The following ADARB2 variants were observed in gnomAD, a reference collection of about 807,000 sequenced individuals.
ADARB2 encodes the protein adenosine deaminase RNA specific B2 (inactive), also known as inactive double-stranded RNA-specific editase B2.
ADARB2 carries 25 observed loss-of-function variants against 62.2 expected under a neutral mutation model. The ratio of observed to expected loss-of-function variants is 0.40; its 90% CI spans 0.29 to 0.56. The LOEUF is 0.56. Among genes scored for constraint, ADARB2 ranks in the 20% least tolerant of loss-of-function variants. The probability of loss-of-function intolerance (pLI) is 0.43; values close to 1 mark genes in which losing one functional copy is unlikely to be tolerated. For missense variants in ADARB2, 1,071 were observed against 1,077.4 expected (o/e 0.99, Z 0.08); for synonymous variants, 572 against 500.8 (o/e 1.14, Z -1.90).
intron 1 of ADARB2, chr10:1,675,377 T>G (rs1156239570): frequency 1.0e-6 from 1 of 983,966 alleles, no homozygotes; most frequent in Non-Finnish European, 1.2e-6. Flanking sequence ...AGGTTTGGGT[T>G]CAGGGATGCA....
At chr10:1,515,465 C>T (rs1831996851) in intron 1 of ADARB2, among the ~76,000 whole-genome samples, 3 of 152,236 alleles carry the variant, frequency 2.0e-5, no homozygotes, top group African/African-American at 7.2e-5. Context: ...ATGAGGGGGA[C>T]ATTCACACTG....
In ADARB2 at chr10:1,602,415, T is replaced by C. The variant is rs12761395; in HGVS notation, c.100+134636A>G. On this transcript the variant is annotated intron_variant, in intron 1 of 9. Transcript: ENST00000381312. ...ACGCTGAGGGAAGAATGGCTCCCGA[T>C]GACAGGCCTCCCAAGGAATGGAGGA... 8.9e-3 allele frequency among the ~76,000 whole-genome samples: 1,357 copies of C among 152,296 alleles called. 10 individuals carry two copies. The highest frequency in any genetic ancestry group is 0.015 in the South Asian group (71 of 4,832).
chr10:1,549,867 C>G (rs983902479), intron 1 of ADARB2, among the ~76,000 whole-genome samples: 12 of 152,156 alleles, frequency 7.9e-5, no homozygotes, highest in African/African-American at 2.2e-4. Flanking sequence ...CCTCTCACCC[C>G]CTCTCCTGGG....
intron 1 of ADARB2, among the ~76,000 whole-genome samples, chr10:1,414,842 C>T (rs975250435): frequency 6.6e-6 from 1 of 152,162 alleles, no homozygotes; most frequent in African/African-American, 2.4e-5. Context: ...AGAGAGACAG[C>T]TGGCTAGGTG....
At chr10:1,310,746 G>A (rs74655315) in intron 3 of ADARB2, among the ~76,000 whole-genome samples, 2,984 of 152,244 alleles carry the variant, frequency 0.02, 77 homozygotes, top group East Asian at 0.099. Flanking sequence ...GGCCCCTGGC[G>A]CCTCAATCTC....
chr10:1,279,413 C>T (rs1010192726), intron 3 of ADARB2, among the ~76,000 whole-genome samples: 4 of 152,140 alleles, frequency 2.6e-5, no homozygotes, highest in African/African-American at 9.7e-5. Flanking sequence ...CTTCCAGGGC[C>T]CAAGTCATCC....
At chr10:1,412,982 C>T (rs1207199289) in intron 1 of ADARB2, among the ~76,000 whole-genome samples, 1 of 152,130 alleles carries the variant, frequency 6.6e-6, no homozygotes, top group Non-Finnish European at 1.5e-5. Context: ...CCCACTGCCT[C>T]AGGGCTGGCG....
intron 1 of ADARB2, among the ~76,000 whole-genome samples, chr10:1,464,343 A>G (rs1831219871): frequency 6.9e-6 from 1 of 145,234 alleles, no homozygotes; most frequent in Non-Finnish European, 1.5e-5. Flanking sequence ...ACACTCCCCC[A>G]CACACGCGCG....
In ADARB2 at chr10:1,241,015, A is replaced by G. The variant is rs563517983; in HGVS notation, c.1361+1116T>C. Among the ~76,000 whole-genome samples the G allele has an allele frequency of 3.2e-4, 49 of 152,180 alleles. 1 individual carries two copies. In the South Asian group the frequency reaches 0.01, roughly 32 times the overall value. On this transcript the variant is annotated intron_variant, in intron 5 of 9. Coordinates refer to ENST00000381312, the MANE Select transcript of ADARB2 (RefSeq NM_018702.4). ...GCTGAGCACAGTGGCTCATGCCTGT[A>G]ATCTCAGCACTTTGGGAGGCCGAGA...
Position 1,373,882 on chromosome 10 carries a change from G to A in ADARB2, c.187+5192C>T, listed in dbSNP as rs985807309. Among the ~76,000 whole-genome samples the A allele has an allele frequency of 5.3e-5, 8 of 150,460 alleles. 1 individual carries two copies. The highest frequency in any genetic ancestry group is 2.0e-4 in the East Asian group (1 of 4,942). On this transcript the variant is annotated intron_variant, in intron 2 of 9. Coordinates refer to ENST00000381312, the MANE Select transcript of ADARB2 (RefSeq NM_018702.4). ...CGCGCACCCTTCCTAGTGAAACCGCGTGGGCTCCGCGCACCCTTCCTAGTG... is the reference window on the plus strand; with the variant it reads ...CGCGCACCCTTCCTAGTGAAACCGCATGGGCTCCGCGCACCCTTCCTAGTG...
chr10:1,510,887 G>A lies in ADARB2; in HGVS notation c.101-131727C>T, dbSNP rs142603848. ...TGTCTCTCTCTCTTTCTTTCTTGAC[G>A]CTGTCACCCAGGCTGGAGTGCACTG... On this transcript the variant is annotated intron_variant, in intron 1 of 9. Transcript: ENST00000381312. Among the ~76,000 whole-genome samples, 302 of 151,834 alleles carry A rather than the reference G, an allele frequency of 2.0e-3. 3 individuals are homozygous for A. Among genetic ancestry groups the A allele is most frequent in the African/African-American group, 6.6e-3 (272 of 41,396 alleles).
chr10:1,565,376 G>T (rs1160131404), intron 1 of ADARB2, among the ~76,000 whole-genome samples: 1 of 152,164 alleles, frequency 6.6e-6, no homozygotes, highest in Non-Finnish European at 1.5e-5. Context: ...ACATGGGTAT[G>T]CATGTAATGT....
At chr10:1,358,661 T>G (rs1174980561) in intron 3 of ADARB2, among the ~76,000 whole-genome samples, 8 of 130,054 alleles carry the variant, frequency 6.2e-5, no homozygotes, top group Non-Finnish European at 5.2e-5. Context: ...ACAAAGATTC[T>G]TTTAACATTT....
At chr10:1,303,900 G>A (rs1831599797) in intron 3 of ADARB2, among the ~76,000 whole-genome samples, 1 of 152,054 alleles carries the variant, frequency 6.6e-6, no homozygotes, top group African/African-American at 2.4e-5. Context: ...GGAACAACCG[G>A]TACCAGCCAC....
chr10:1,454,982 A>T (rs1468341512), intron 1 of ADARB2, among the ~76,000 whole-genome samples: 1 of 152,240 alleles, frequency 6.6e-6, no homozygotes, highest in Non-Finnish European at 1.5e-5. Flanking sequence ...GGAAATTCTA[A>T]ATAAGTTTAG....
At chr10:1,262,259 A>T (rs1253264971) in intron 4 of ADARB2, among the ~76,000 whole-genome samples, 1 of 143,418 alleles carries the variant, frequency 7.0e-6, no homozygotes, top group Non-Finnish European at 1.5e-5. Flanking sequence ...AACCTGCACA[A>T]TGTGCACATG....
chr10:1,205,441 G>A (rs1404742846), intron 7 of ADARB2, among the ~76,000 whole-genome samples: 1 of 150,838 alleles, frequency 6.6e-6, no homozygotes, highest in Non-Finnish European at 1.5e-5. Flanking sequence ...ACAGCCTGAG[G>A]GAGACAACTC....
At chr10:1,197,553 A>G (rs1428736405) in intron 8 of ADARB2, among the ~76,000 whole-genome samples, 7 of 152,192 alleles carry the variant, frequency 4.6e-5, no homozygotes, top group African/African-American at 7.2e-5. Context: ...GCTCTCCTCT[A>G]TTTTATCACC....
chr10:1,715,329 T>C (rs1835004570), intron 1 of ADARB2, among the ~76,000 whole-genome samples: 1 of 152,184 alleles, frequency 6.6e-6, no homozygotes, highest in Non-Finnish European at 1.5e-5. Context: ...ATGCCTTTTA[T>C]GGCAATCCTG....
Sources: allele counts gnomAD v4.1 joint callset (sites outside exome capture counted in the v4.1 genomes callset), GRCh38; gene constraint gnomAD v4.1.1; transcripts MANE v1.5; gene names NCBI Gene and HGNC (gene_info 2026-07-23, HGNC 2026-07-21).